The following RIMS2 variants were observed in gnomAD, a reference collection of about 807,000 sequenced individuals.
RIMS2 encodes the protein regulating synaptic membrane exocytosis 2.
RIMS2 carries 59 observed loss-of-function variants against 174.4 expected under a neutral mutation model. The observed-to-expected ratio is 0.34, with a 90% confidence interval of 0.27 to 0.42. RIMS2 has a LOEUF of 0.42. Among genes scored for constraint, RIMS2 ranks in the 10% least tolerant of loss-of-function variants. The pLI, the probability that RIMS2 is intolerant of heterozygous loss-of-function variation, is 1.00. For missense variants in RIMS2, 1,620 were observed against 1,666.3 expected (o/e 0.97, Z 0.48); for synonymous variants, 606 against 572.5 (o/e 1.06, Z -0.84).
chr8:103,827,711 TG>T (rs1456469233), intron 3 of RIMS2, among the ~76,000 whole-genome samples: 1 of 152,118 alleles, frequency 6.6e-6, no homozygotes, highest in African/African-American at 2.4e-5. Flanking sequence ...CGTGTGTGTC[TG>T]TAATCCCTGC....
At chr8:103,741,522 C>G (rs759937098) in intron 2 of RIMS2, among the ~76,000 whole-genome samples, 1 of 151,942 alleles carries the variant, frequency 6.6e-6, no homozygotes, top group Non-Finnish European at 1.5e-5. Context: ...ACCAGGCTTG[C>G]AAAATGATTT....
intron 19 of RIMS2, among the ~76,000 whole-genome samples, chr8:104,115,943 A>G (rs2098271847): frequency 1.3e-5 from 2 of 152,178 alleles, no homozygotes; most frequent in African/African-American, 4.8e-5. Context: ...AGTGGGCCAG[A>G]TCTAATGGAT....
intron 1 of RIMS2, among the ~76,000 whole-genome samples, chr8:103,533,238 A>G (rs1441308520): frequency 6.6e-6 from 1 of 152,226 alleles, no homozygotes; most frequent in African/African-American, 2.4e-5. Context: ...GTATCTAGAG[A>G]AAATAAACAT....
At chr8:103,817,616 A>G (rs2098726064) in intron 3 of RIMS2, among the ~76,000 whole-genome samples, 1 of 152,186 alleles carries the variant, frequency 6.6e-6, no homozygotes, top group East Asian at 1.9e-4. Flanking sequence ...CCCTGTCTCC[A>G]CTAAAAATAC....
At chr8:103,854,338 G>A (rs1320189458) in intron 3 of RIMS2, among the ~76,000 whole-genome samples, 2 of 151,926 alleles carry the variant, frequency 1.3e-5, no homozygotes, top group Non-Finnish European at 2.9e-5. Flanking sequence ...TTTCCTATTT[G>A]GATATCTTTT....
At chr8:103,777,896 A>G (rs1414659772) in intron 3 of RIMS2, among the ~76,000 whole-genome samples, 1 of 151,978 alleles carries the variant, frequency 6.6e-6, no homozygotes, top group African/African-American at 2.4e-5. Flanking sequence ...CTGGGTACAA[A>G]ATTGGGTATA....
chr8:103,568,307 TAA>T (rs2092537079), intron 1 of RIMS2, among the ~76,000 whole-genome samples: 1 of 151,918 alleles, frequency 6.6e-6, no homozygotes, highest in Admixed American at 6.6e-5. Flanking sequence ...CAAAATAAAA[TAA>T]GAATAAAATA....
chr8:104,250,305 G>A (rs1168336855), intron 22 of RIMS2, among the ~76,000 whole-genome samples: 2 of 152,070 alleles, frequency 1.3e-5, no homozygotes, highest in East Asian at 3.8e-4. Context: ...TCTAGCTTCA[G>A]CATCTCTACT....
intron 19 of RIMS2, among the ~76,000 whole-genome samples, chr8:104,139,273 T>G (rs1234984078): frequency 6.6e-6 from 1 of 152,180 alleles, no homozygotes; most frequent in Non-Finnish European, 1.5e-5. Context: ...CCATATAAAT[T>G]TTAGGGTTAT....
chr8:103,547,632 C>T (rs1450937696), intron 1 of RIMS2, among the ~76,000 whole-genome samples: 2 of 151,960 alleles, frequency 1.3e-5, no homozygotes, highest in African/African-American at 4.8e-5. Flanking sequence ...ACCCCAAAGC[C>T]AGTAGAAGAC....
intron 3 of RIMS2, among the ~76,000 whole-genome samples, chr8:103,813,131 G>T (rs1443114232): frequency 1.3e-5 from 2 of 152,238 alleles, no homozygotes; most frequent in African/African-American, 4.8e-5. Context: ...TTATTTTCAT[G>T]TATGGAATAT....
At chr8:103,871,434 TA>T (rs1333407987) in intron 3 of RIMS2, among the ~76,000 whole-genome samples, 14 of 152,144 alleles carry the variant, frequency 9.2e-5, no homozygotes, top group Non-Finnish European at 2.1e-4. Flanking sequence ...TTGTATAATA[TA>T]AAAATCTAGT....
At chr8:103,565,745 G>C (rs1488714613) in intron 1 of RIMS2, among the ~76,000 whole-genome samples, 2 of 152,214 alleles carry the variant, frequency 1.3e-5, no homozygotes, top group East Asian at 3.9e-4. Flanking sequence ...TGGAGTATCA[G>C]TGATGCCAGT....
chr8:103,615,436 C>T (rs7825968), intron 1 of RIMS2, among the ~76,000 whole-genome samples: 17,667 of 152,130 alleles, frequency 0.12, 1,367 homozygotes, highest in Non-Finnish European at 0.17. Context: ...AGAAAGATCT[C>T]ACATTAACAA....
chr8:103,600,928 G>A (rs932898990), intron 1 of RIMS2, among the ~76,000 whole-genome samples: 12 of 151,966 alleles, frequency 7.9e-5, no homozygotes, highest in African/African-American at 2.9e-4. Flanking sequence ...GTTTTGATTT[G>A]TATTTCTCTG....
rs545284869 is a variant in RIMS2, at chr8:103,531,352, TAAG to T, written c.176+30295_176+30297del. ...TGCTGGAAATCAATAATGAAAAAAA[TAAG>T]AAGATTCTTATATATTTAGGAATCA... On this transcript the variant is annotated intron_variant, in intron 1 of 23. Coordinates refer to ENST00000504942, the Ensembl canonical transcript of RIMS2. 1.7e-3 allele frequency among the ~76,000 whole-genome samples: 256 copies of T among 152,234 alleles called. 2 individuals are homozygous for T. The highest frequency in any genetic ancestry group is 1.3e-3 in the East Asian group (7 of 5,188).
intron 19 of RIMS2, among the ~76,000 whole-genome samples, chr8:104,178,338 T>C (rs2098918037): frequency 6.6e-6 from 1 of 152,182 alleles, no homozygotes; most frequent in African/African-American, 2.4e-5. Flanking sequence ...CTCCTAGAGC[T>C]GGCCTGCATT....
At chr8:103,838,988 C>A (rs1450316970) in intron 3 of RIMS2, among the ~76,000 whole-genome samples, 1 of 152,132 alleles carries the variant, frequency 6.6e-6, no homozygotes, top group Non-Finnish European at 1.5e-5. Context: ...CGGCGTGAAC[C>A]CGGGAGGTGG....
chr8:103,859,979 T>C (rs1298980253), intron 3 of RIMS2, among the ~76,000 whole-genome samples: 2 of 152,086 alleles, frequency 1.3e-5, no homozygotes, highest in African/African-American at 4.8e-5. Context: ...TGCATTCCTC[T>C]GTGTGCCAGA....
Sources: allele counts gnomAD v4.1 joint callset (sites outside exome capture counted in the v4.1 genomes callset), GRCh38; gene constraint gnomAD v4.1.1; transcripts MANE v1.5; gene names NCBI Gene and HGNC (gene_info 2026-07-23, HGNC 2026-07-21).